The following CTNNA2 variants were observed in gnomAD, a reference collection of about 807,000 sequenced individuals.
CTNNA2 encodes catenin alpha-2.
A neutral mutation model predicts 101.0 loss-of-function variants in CTNNA2; 42 were observed. The observed-to-expected ratio is 0.42, with a 90% CI of 0.32 to 0.54. The LOEUF is 0.54. CTNNA2 is among the 20% of genes least tolerant of loss of function. The probability of loss-of-function intolerance (pLI) is 0.14; values close to 1 mark genes in which losing one functional copy is unlikely to be tolerated. For missense variants in CTNNA2, 871 were observed against 1,223.1 expected (o/e 0.71, Z 4.29); for synonymous variants, 450 against 456.4 (o/e 0.99, Z 0.18).
rs187246677 is a variant in CTNNA2, at chr2:79,479,502, C to T, written c.-134-25552C>T. Among the ~76,000 whole-genome samples the T allele has an allele frequency of 3.3e-5, 5 of 152,252 alleles. No individual in the cohort carries two copies. The South Asian group carries it at 8.3e-4, about 25-fold the overall frequency. Reference sequence around the variant, plus strand: ...GAAAATTTAAATACAATTACATTTACTTGGATGTAGAATACTAGAGCTCTC... The same window carrying T: ...GAAAATTTAAATACAATTACATTTATTTGGATGTAGAATACTAGAGCTCTC... On this transcript the variant is annotated intron_variant, in intron 4 of 21. Transcript: ENST00000466387.
chr2:79,589,725 C>G (rs1010210481), intron 1 of CTNNA2, among the ~76,000 whole-genome samples: 5 of 151,510 alleles, frequency 3.3e-5, no homozygotes, highest in African/African-American at 1.2e-4. Flanking sequence ...TTTCCCCCCC[C>G]CGAGACACGA....
At chr2:79,928,864 T>C (rs1426600158) in intron 7 of CTNNA2, among the ~76,000 whole-genome samples, 1 of 152,210 alleles carries the variant, frequency 6.6e-6, no homozygotes, top group East Asian at 1.9e-4. Context: ...ATGTTAATAG[T>C]TACCTATTAA....
intron 7 of CTNNA2, among the ~76,000 whole-genome samples, chr2:80,236,348 G>T (rs539973378): frequency 3.2e-4 from 48 of 152,274 alleles, no homozygotes; most frequent in Admixed American, 2.9e-3. Flanking sequence ...TGCTCGTTCG[G>T]ATGATGGCAA....
intron 7 of CTNNA2, among the ~76,000 whole-genome samples, chr2:80,173,448 G>T (rs907652708): frequency 6.6e-6 from 1 of 152,108 alleles, no homozygotes; most frequent in Non-Finnish European, 1.5e-5. Flanking sequence ...TTTGAACAGA[G>T]AAATTAGTAT....
intron 7 of CTNNA2, among the ~76,000 whole-genome samples, chr2:80,263,259 T>G (rs1217026196): frequency 6.6e-6 from 1 of 152,234 alleles, no homozygotes; most frequent in Admixed American, 6.5e-5. Context: ...ATATTAGATT[T>G]TGTTAAAACT....
intron 7 of CTNNA2, among the ~76,000 whole-genome samples, chr2:80,060,187 A>G (rs1293940735): frequency 6.6e-6 from 1 of 152,122 alleles, no homozygotes; most frequent in East Asian, 1.9e-4. Flanking sequence ...GTCCCCTCCC[A>G]TAGGTTCACT....
chr2:79,942,881 A>C (rs1688251428), intron 7 of CTNNA2, among the ~76,000 whole-genome samples: 1 of 152,150 alleles, frequency 6.6e-6, no homozygotes, highest in Non-Finnish European at 1.5e-5. Context: ...ATTGACAACA[A>C]GAAGTTCCAT....
chr2:80,461,994 C>T (rs1187803730), intron 9 of CTNNA2, among the ~76,000 whole-genome samples: 1 of 152,122 alleles, frequency 6.6e-6, no homozygotes, highest in African/African-American at 2.4e-5. Flanking sequence ...ATTCACTGGG[C>T]AATAAAAGGT....
chr2:80,039,510 G>A (rs1053730912), intron 7 of CTNNA2, among the ~76,000 whole-genome samples: 19 of 152,188 alleles, frequency 1.2e-4, no homozygotes, highest in African/African-American at 4.1e-4. Flanking sequence ...TCTACACTGA[G>A]CAAGACATGG....
intron 3 of CTNNA2, among the ~76,000 whole-genome samples, chr2:79,788,886 T>C (rs898936246): frequency 2.6e-5 from 4 of 152,162 alleles, no homozygotes; most frequent in Non-Finnish European, 4.4e-5. Context: ...CACAAAGCAA[T>C]TGGAAAAAAT....
At chr2:79,713,925 C>T (rs2104822833) in intron 2 of CTNNA2, among the ~76,000 whole-genome samples, 1 of 152,262 alleles carries the variant, frequency 6.6e-6, no homozygotes, top group East Asian at 1.9e-4. Context: ...TGCTTATCTG[C>T]CCTGCTCCCT....
chr2:79,714,964 G>A (rs897769353), intron 2 of CTNNA2, among the ~76,000 whole-genome samples: 2 of 150,842 alleles, frequency 1.3e-5, no homozygotes, highest in African/African-American at 4.9e-5. Flanking sequence ...GCCAAGGCGG[G>A]CAGGTCACCT....
chr2:80,131,108 A>G (rs1011755994), intron 7 of CTNNA2, among the ~76,000 whole-genome samples: 8 of 151,964 alleles, frequency 5.3e-5, no homozygotes, highest in Non-Finnish European at 1.2e-4. Flanking sequence ...CCCAGGTTGG[A>G]GTGCAGTGGC....
rs530142291 is a variant in CTNNA2, at chr2:80,455,534, T to C, written c.1290+35933T>C. Among the ~76,000 whole-genome samples, 11 of 152,234 alleles carry C rather than the reference T, an allele frequency of 7.2e-5. No homozygotes were observed. The East Asian group carries it at 1.5e-3, about 21-fold the overall frequency. On this transcript the variant is annotated intron_variant, in intron 9 of 18. Transcript: ENST00000402739. The stretch of plus-strand genomic sequence containing the variant: ...CATTAGGTCTCCGTGAAGTTGCGAG[T>C]TAGTGGAAATTTGTGTTTCATGCCT...
chr2:80,636,830 T>C lies in CTNNA2; in HGVS notation c.2575-10755T>C, dbSNP rs1672936279. Among the ~76,000 whole-genome samples, 3 of 152,164 alleles carry C rather than the reference T, an allele frequency of 2.0e-5. No individual in the cohort carries two copies. The South Asian group carries it at 6.2e-4, about 31-fold the overall frequency. On this transcript the variant is annotated intron_variant, in intron 18 of 18. Transcript: ENST00000402739. ...TCAATATTCCTTACCAAGTCCTAAA[T>C]GTTCTTAGATATTTTAGGTGTCACA...
intron 4 of CTNNA2, among the ~76,000 whole-genome samples, chr2:79,428,701 T>C (rs1678618869): frequency 6.6e-6 from 1 of 151,984 alleles, no homozygotes; most frequent in Non-Finnish European, 1.5e-5. Context: ...CCCCAAGAAA[T>C]GACAGCCATG....
intron 7 of CTNNA2, among the ~76,000 whole-genome samples, chr2:80,165,286 ATT>A (rs1169569789): frequency 7.0e-6 from 1 of 143,426 alleles, no homozygotes; most frequent in African/African-American, 2.6e-5. Context: ...CTAGTTCCTG[ATT>A]TTTTTCTTTC....
intron 7 of CTNNA2, among the ~76,000 whole-genome samples, chr2:80,141,828 T>C (rs2148911209): frequency 6.6e-6 from 1 of 151,474 alleles, no homozygotes; most frequent in Non-Finnish European, 1.5e-5. Flanking sequence ...ATGGGATGTT[T>C]GGTTCCCTAC....
intron 1 of CTNNA2, among the ~76,000 whole-genome samples, chr2:79,560,764 A>T (rs1344754270): frequency 1.3e-5 from 2 of 151,958 alleles, no homozygotes; most frequent in African/African-American, 2.4e-5. Context: ...TTGTGAATAT[A>T]TCCTGGAAAC....
Sources: gnomAD v4.1 joint callset for allele counts (sites outside exome capture counted in the v4.1 genomes callset) on GRCh38, gnomAD v4.1.1 for gene constraint, MANE v1.5 for transcripts, NCBI Gene and HGNC (gene_info 2026-07-23, HGNC 2026-07-21) for gene names.